Variants in QTGAL observed in about 807,000 individuals in gnomAD.
QTGAL encodes the protein queuosine-tRNA galactosyltransferase, also known as BGnT-like protein 1.
At chr17:83,012,818 T>G in the QTGAL span, among the ~76,000 whole-genome samples, 2 of 151,904 alleles carry the variant, frequency 1.3e-5, no homozygotes, top group Non-Finnish European at 2.9e-5. Flanking sequence ...GGAACTGGAC[T>G]GGAAAAACCG....
chr17:83,002,731 G>A, the QTGAL span, among the ~76,000 whole-genome samples: 1 of 152,192 alleles, frequency 6.6e-6, no homozygotes, highest in Non-Finnish European at 1.5e-5. Flanking sequence ...GTCCACTGCC[G>A]AGGACACCCT....
the QTGAL span, among the ~76,000 whole-genome samples, chr17:83,002,730 C>T: frequency 2.0e-4 from 30 of 152,318 alleles, no homozygotes; most frequent in African/African-American, 7.0e-4. Flanking sequence ...AGTCCACTGC[C>T]GAGGACACCC....
the QTGAL span, chr17:82,948,990 AT>A: frequency 6.6e-6 from 1 of 152,252 alleles, no homozygotes. Context: ...TGGCAGGAAA[AT>A]TTGCAGCATG....
the QTGAL span, among the ~76,000 whole-genome samples, chr17:83,035,755 T>C: frequency 6.6e-6 from 1 of 152,154 alleles, no homozygotes; most frequent in Non-Finnish European, 1.5e-5. Flanking sequence ...GAAGGAAGTC[T>C]GTAAAGTCTA....
the QTGAL span, among the ~76,000 whole-genome samples, chr17:83,010,051 T>TG: frequency 1.5e-3 from 47 of 30,490 alleles, no homozygotes; most frequent in Non-Finnish European, 2.6e-3. Flanking sequence ...GGCGGGGGGC[T>TG]GGGGGGGCTG....
chr17:82,959,261 T>C, the QTGAL span, among the ~76,000 whole-genome samples: 3 of 151,956 alleles, frequency 2.0e-5, no homozygotes, highest in Admixed American at 6.6e-5. Context: ...TGTACACGTG[T>C]GTGCAGTGAG....
At chr17:82,985,002 C>T in the QTGAL span, among the ~76,000 whole-genome samples, 2 of 152,140 alleles carry the variant, frequency 1.3e-5, no homozygotes, top group African/African-American at 4.8e-5. Flanking sequence ...AGCCGGGTGG[C>T]GGTTCTGCCC....
chr17:82,997,690 G>A, the QTGAL span, among the ~76,000 whole-genome samples: 1 of 152,086 alleles, frequency 6.6e-6, no homozygotes, highest in African/African-American at 2.4e-5. Flanking sequence ...ACACAATGAA[G>A]TGTATGAATG....
chr17:83,009,048 A>T, the QTGAL span, among the ~76,000 whole-genome samples: 1 of 151,724 alleles, frequency 6.6e-6, no homozygotes, highest in Non-Finnish European at 1.5e-5. Flanking sequence ...GGAAACTCAC[A>T]CTCCCAAGTG....
the QTGAL span, among the ~76,000 whole-genome samples, chr17:82,965,151 C>T: frequency 7.3e-6 from 1 of 137,838 alleles, no homozygotes; most frequent in African/African-American, 3.1e-5. Flanking sequence ...CCTGCAGGTG[C>T]ACTCCCACGG....
chr17:82,974,128 C>T, the QTGAL span, among the ~76,000 whole-genome samples: 2 of 152,236 alleles, frequency 1.3e-5, no homozygotes, highest in South Asian at 4.1e-4. Context: ...TGCCTCCAGT[C>T]TGAGCCGGTT....
chr17:82,977,232 C>T, the QTGAL span, among the ~76,000 whole-genome samples: 3 of 152,220 alleles, frequency 2.0e-5, no homozygotes, highest in Non-Finnish European at 1.5e-5. Flanking sequence ...GCTTACAGGC[C>T]GCGAAGTCGG....
the QTGAL span, among the ~76,000 whole-genome samples, chr17:82,951,412 C>A: frequency 6.6e-6 from 1 of 152,228 alleles, no homozygotes; most frequent in African/African-American, 2.4e-5. Flanking sequence ...ATTCAGCCTT[C>A]ACAGAATTGA....
At chr17:83,050,406 C>G in the QTGAL span, among the ~76,000 whole-genome samples, 1 of 152,026 alleles carries the variant, frequency 6.6e-6, no homozygotes, top group East Asian at 1.9e-4. Flanking sequence ...AAAACGAGTT[C>G]CCTAATTTAT....
chr17:83,023,783 G>T, the QTGAL span, among the ~76,000 whole-genome samples: 1 of 152,212 alleles, frequency 6.6e-6, no homozygotes, highest in Non-Finnish European at 1.5e-5. Flanking sequence ...TCCAGCAGCT[G>T]CAGGGAAGAG....
At chr17:83,027,681 G>A in the QTGAL span, among the ~76,000 whole-genome samples, 2 of 100,090 alleles carry the variant, frequency 2.0e-5, no homozygotes, top group Non-Finnish European at 3.6e-5. Context: ...CAGCCTGGGT[G>A]ACAAAGTGAG....
At chr17:83,028,387 G>A in the QTGAL span, among the ~76,000 whole-genome samples, 4 of 151,066 alleles carry the variant, frequency 2.6e-5, no homozygotes, top group South Asian at 2.1e-4. Flanking sequence ...AGCCGGGCGA[G>A]GTGGCGGGCG....
At chr17:82,987,762 T>A in the QTGAL span, among the ~76,000 whole-genome samples, 2 of 152,242 alleles carry the variant, frequency 1.3e-5, no homozygotes, top group Non-Finnish European at 2.9e-5. Context: ...AGGCTCTTTT[T>A]CAGTTCTACA....
At chr17:83,019,582 C>T in the QTGAL span, among the ~76,000 whole-genome samples, 53 of 152,052 alleles carry the variant, frequency 3.5e-4, no homozygotes, top group African/African-American at 1.2e-3. Flanking sequence ...TTCGGGAAGA[C>T]GGGAAAGATC....
Sources: gnomAD v4.1 joint callset for allele counts (sites outside exome capture counted in the v4.1 genomes callset) on GRCh38, gnomAD v4.1.1 for gene constraint, MANE v1.5 for transcripts, NCBI Gene and HGNC (gene_info 2026-07-23, HGNC 2026-07-21) for gene names.